ARL10: variants seen among roughly 807,000 people sequenced by gnomAD.
ARL10 encodes the protein ADP-ribosylation factor-like protein 10.
In ARL10, 23 loss-of-function variants were observed where a neutral mutation model predicts 26.1. The ratio of observed to expected loss-of-function variants is 0.88; its 90% CI spans 0.63 to 1.25. The LOEUF (loss-of-function observed/expected upper bound fraction) is 1.25, where lower values mean the gene tolerates loss of function less well. Among genes scored for constraint, ARL10 ranks in the 50% most tolerant of loss-of-function variants. The pLI, the probability that ARL10 is intolerant of heterozygous loss-of-function variation, is 0.00. For missense variants in ARL10, 300 were observed against 323.6 expected (o/e 0.93, Z 0.56); for synonymous variants, 138 against 149.1 (o/e 0.93, Z 0.54).
chr5:176,369,878 G>C (rs1211142757), intron 3 of ARL10, among the ~76,000 whole-genome samples: 1 of 150,230 alleles, frequency 6.7e-6, no homozygotes. Flanking sequence ...AAGATCACTT[G>C]AACCCAGGAG....
downstream of ARL10, among the ~76,000 whole-genome samples, chr5:176,390,608 C>T (rs1756234958): frequency 1.3e-5 from 2 of 151,852 alleles, no homozygotes; most frequent in South Asian, 2.1e-4. Context: ...TTTTGTATTT[C>T]GTATTTTTAG....
intron 3 of ARL10, among the ~76,000 whole-genome samples, chr5:176,371,323 C>T (rs1020943482): frequency 4.6e-5 from 7 of 152,188 alleles, no homozygotes; most frequent in Non-Finnish European, 8.8e-5. Flanking sequence ...GTGGAGGTTG[C>T]AGTGAGCCAA....
At chr5:176,388,770 G>A (rs771397501), downstream of ARL10, 7 of 1,594,386 alleles carry the variant, frequency 4.4e-6, no homozygotes, top group Admixed American at 3.6e-5. Flanking sequence ...GACCTTCACC[G>A]GGAGGCTGAG....
downstream of ARL10, among the ~76,000 whole-genome samples, chr5:176,402,398 C>T (rs921504250): frequency 6.6e-6 from 1 of 152,264 alleles, no homozygotes; most frequent in Non-Finnish European, 1.5e-5. Context: ...CCTCTGATTT[C>T]TGTCCTCTAT....
chr5:176,394,987 T>TC (rs1756451596), intron 1 of ARL10, among the ~76,000 whole-genome samples: 1 of 151,920 alleles, frequency 6.6e-6, no homozygotes, highest in South Asian at 2.1e-4. Flanking sequence ...CTCCTGTGGC[T>TC]CCCCACTGCC....
At chr5:176,388,405 C>T in exon 2 of ARL10, 5 of 1,613,092 alleles carry the variant, frequency 3.1e-6, no homozygotes, top group Non-Finnish European at 4.2e-6. Flanking sequence ...CCGAGGCCCA[C>T]GGCCACCCGG....
intron 1 of ARL10, chr5:176,396,370 C>G: frequency 9.8e-7 from 1 of 1,022,532 alleles, no homozygotes; most frequent in Middle Eastern, 2.0e-4. Flanking sequence ...CTGACCATTG[C>G]TCCGAGCCCA....
At chr5:176,413,522 T>C in the ARL10 span, among the ~76,000 whole-genome samples, 1 of 152,182 alleles carries the variant, frequency 6.6e-6, no homozygotes, top group South Asian at 2.1e-4. Context: ...CTACACCAGA[T>C]ACCTCTTTCC....
downstream of ARL10, among the ~76,000 whole-genome samples, chr5:176,382,136 G>A (rs1755569618): frequency 6.6e-6 from 1 of 152,194 alleles, no homozygotes; most frequent in African/African-American, 2.4e-5. Context: ...ACCACACGTA[G>A]ACTGGGCAAA....
rs1259137647 is a variant in ARL10, at chr5:176,379,503, G to C, written c.*7608G>C. The C allele has an allele frequency of 6.6e-6, 1 of 152,196 alleles. No individual in the cohort carries two copies. The highest frequency in any genetic ancestry group is 2.4e-5 in the African/African-American group (1 of 41,446). The allele number at this position is 152,196 out of a possible 1,614,324, so 9.4% of individuals were successfully genotyped here. A position where few individuals can be genotyped will look rare whatever the true frequency, so the allele number is the denominator to read the frequency against. On this transcript the variant is annotated 3_prime_UTR_variant, in exon 4 of 4. Transcript: ENST00000310389. ...TGTTATGTTTATGAACAAACAAGGT[G>C]AAGGGTTCAGTATAAGTTGGAAATC...
At chr5:176,388,107 C>T in intron 1 of ARL10, 1 of 670,648 alleles carries the variant, frequency 1.5e-6, no homozygotes. Flanking sequence ...AGCGTTCTGA[C>T]TGTGGGGAGG....
At chr5:176,388,209 G>A in intron 1 of ARL10, 1 of 1,529,490 alleles carries the variant, frequency 6.5e-7, no homozygotes, top group Non-Finnish European at 9.0e-7. Context: ...AAGAAGACAA[G>A]GACCGAGACC....
chr5:176,386,581 C>T, downstream of ARL10: 1 of 548,202 alleles, frequency 1.8e-6, no homozygotes, highest in South Asian at 1.8e-5. Context: ...ACTGGTTTCT[C>T]TTCTATTCTC....
At chr5:176,391,073 C>T (rs191612816), downstream of ARL10, among the ~76,000 whole-genome samples, 3 of 152,278 alleles carry the variant, frequency 2.0e-5, no homozygotes, top group Non-Finnish European at 4.4e-5. Context: ...GGAGTGAAGA[C>T]ACACCCCTTC....
At position 176,374,955 on chromosome 5, in the gene ARL10, T is replaced by A. The variant is rs556706828; in HGVS notation, c.*3060T>A. 2.6e-5 allele frequency: 4 copies of A among 152,164 alleles called. No individual in the cohort carries two copies. Among genetic ancestry groups the A allele is most frequent in the Non-Finnish European group, 5.9e-5 (4 of 68,042 alleles). The allele number at this position is 152,164 out of a possible 1,614,324, so 9.4% of individuals were successfully genotyped here. Reference sequence around the variant, plus strand: ...TTTGAAGCTCTCCATAGTAGTAGAATCAGGAAAGATAAGCACAGCGTTCAG... The same window carrying A: ...TTTGAAGCTCTCCATAGTAGTAGAAACAGGAAAGATAAGCACAGCGTTCAG... On this transcript the variant is annotated 3_prime_UTR_variant, in exon 4 of 4. Transcript: ENST00000310389.
At chr5:176,397,066 G>A (rs751859878) in intron 1 of ARL10, among the ~76,000 whole-genome samples, 1 of 152,070 alleles carries the variant, frequency 6.6e-6, no homozygotes, top group Admixed American at 6.5e-5. Flanking sequence ...GGGCCCTACT[G>A]TATTTGAGCT....
downstream of ARL10, among the ~76,000 whole-genome samples, chr5:176,391,102 T>C (rs1475018589): frequency 6.6e-6 from 1 of 152,178 alleles, no homozygotes; most frequent in African/African-American, 2.4e-5. Flanking sequence ...CCCAACAGTC[T>C]AGATCTCAGT....
In ARL10 at chr5:176,373,132, G is replaced by A. The variant is rs1012723616; in HGVS notation, c.*1237G>A. The A allele has an allele frequency of 3.0e-5, 12 of 398,182 alleles. No homozygotes were observed. The highest frequency in any genetic ancestry group is 6.2e-4 in the Middle Eastern group (1 of 1,610). The allele number at this position is 398,182 out of a possible 1,614,324, so 24.7% of individuals were successfully genotyped here. On this transcript the variant is annotated 3_prime_UTR_variant, in exon 4 of 4. Transcript: ENST00000310389. ...GAGGATTTCCCTTATGTGAATCTAG[G>A]TAAAAAGATGGAAAAAAATTGTATT...
downstream of ARL10, chr5:176,388,785 G>T (rs1415738803): frequency 1.9e-6 from 3 of 1,603,194 alleles, no homozygotes; most frequent in Non-Finnish European, 2.6e-6. Flanking sequence ...GCTGAGGTCG[G>T]AGTCCCGATT....
Sources: gnomAD v4.1 joint callset for allele counts (sites outside exome capture counted in the v4.1 genomes callset) on GRCh38, gnomAD v4.1.1 for gene constraint, MANE v1.5 for transcripts, NCBI Gene and HGNC (gene_info 2026-07-23, HGNC 2026-07-21) for gene names.